The following BZW2 variants were observed in gnomAD, a reference collection of about 807,000 sequenced individuals.
The protein encoded by BZW2 is eIF5-mimic protein 1.
A neutral mutation model predicts 53.2 loss-of-function variants in BZW2; 23 were observed. That is an observed-to-expected ratio of 0.43 (90% CI 0.31 to 0.61). The LOEUF is 0.61. Among genes scored for constraint, BZW2 ranks in the 20% least tolerant of loss-of-function variants. The pLI is 0.09. For synonymous variants in BZW2, 227 were observed against 186.4 expected, an observed-to-expected ratio of 1.22 and a Z score of -1.77; for missense variants, 409 against 503.1, an observed-to-expected ratio of 0.81 and a Z score of 1.79.
At position 16,694,949 on chromosome 7, in the gene BZW2, A is replaced by G; in HGVS notation, c.767A>G (p.Lys256Arg). 1 of 1,596,986 alleles carries G rather than the reference A, an allele frequency of 6.3e-7. No homozygotes were observed. The highest frequency in any genetic ancestry group is 8.6e-7 in the Non-Finnish European group (1 of 1,166,690). The change falls in exon 8 of 12, where the codon AAG becomes AGG. Residue 256 changes from lysine (K) to arginine (R), a missense_variant. Coordinates refer to ENST00000258761, the MANE Select transcript of BZW2 (RefSeq NM_014038.3). Reference sequence around the variant, plus strand: ...GTCCAGCAGTCCCTGGGCACCAGGAAGGAACTGCAGAAGGAGCTCCAGGAG... The same window carrying G: ...GTCCAGCAGTCCCTGGGCACCAGGAGGGAACTGCAGAAGGAGCTCCAGGAG... ...LRVQQSLGTR[K>R]ELQKELQERL...
chr7:16,666,419 T>TTATTTATTTATTTATTTACG (rs745428931), intron 2 of BZW2, among the ~76,000 whole-genome samples: 185 of 151,012 alleles, frequency 1.2e-3, no homozygotes, highest in African/African-American at 4.3e-3. Context: ...ATTTATTTAT[T>TTATTTATTTATTTATTTACG]TAGAGACGGA....
intron 3 of BZW2, among the ~76,000 whole-genome samples, chr7:16,677,775 T>C (rs1782811318): frequency 6.6e-6 from 1 of 152,138 alleles, no homozygotes; most frequent in Admixed American, 6.5e-5. Flanking sequence ...TGAAAAGGCC[T>C]GGTCCAGTAA....
At chr7:16,691,418 G>C (rs1191157815) in intron 7 of BZW2, among the ~76,000 whole-genome samples, 1 of 152,192 alleles carries the variant, frequency 6.6e-6, no homozygotes, top group Non-Finnish European at 1.5e-5. Context: ...GAGGCTGTGG[G>C]TTGTCTATAG....
chr7:16,666,440 G>A (rs1404928289), intron 2 of BZW2, among the ~76,000 whole-genome samples: 6 of 147,696 alleles, frequency 4.1e-5, no homozygotes, highest in Non-Finnish European at 9.1e-5. Context: ...GTCTTGCTCC[G>A]TCGTCAGGCT....
chr7:16,646,247 GC>G lies in BZW2; in HGVS notation c.-48del, dbSNP rs1781858089. The G allele has an allele frequency of 9.6e-6, 3 of 313,730 alleles. No individual in the cohort carries two copies. In the Admixed American group the frequency reaches 1.0e-4, roughly 11 times the overall value. The allele number at this position is 313,730 out of a possible 1,614,324, so 19.4% of individuals were successfully genotyped here. A position where few individuals can be genotyped will look rare whatever the true frequency, so the allele number is the denominator to read the frequency against. ...TGCCGCTGCTGCTGCACGAATCGCC[GC>G]AGCCCCCAGCCTTGCGCGTCGTCGC... On this transcript the variant is annotated 5_prime_UTR_variant, in exon 1 of 12. Coordinates refer to ENST00000258761, the MANE Select transcript of BZW2 (RefSeq NM_014038.3).
intron 1 of BZW2, among the ~76,000 whole-genome samples, chr7:16,653,285 C>CT (rs1453704833): frequency 2.6e-5 from 4 of 152,160 alleles, no homozygotes; most frequent in African/African-American, 9.6e-5. Flanking sequence ...CTTTTTATTT[C>CT]TTTTTTTTCT....
intron 3 of BZW2, among the ~76,000 whole-genome samples, chr7:16,679,843 A>T (rs544484664): frequency 6.6e-6 from 1 of 152,332 alleles, no homozygotes; most frequent in Admixed American, 6.5e-5. Context: ...CTTCTACCTT[A>T]ATTACAACGA....
intron 3 of BZW2, among the ~76,000 whole-genome samples, chr7:16,678,164 G>C (rs1782825279): frequency 7.0e-6 from 1 of 143,592 alleles, no homozygotes; most frequent in Non-Finnish European, 1.5e-5. Context: ...CCGCCTCCTG[G>C]AATCAGGCAA....
At chr7:16,702,866 C>G (rs923539038) in intron 10 of BZW2, among the ~76,000 whole-genome samples, 1 of 152,016 alleles carries the variant, frequency 6.6e-6, no homozygotes, top group Non-Finnish European at 1.5e-5. Flanking sequence ...TTTATAAACT[C>G]AAAAATATAC....
intron 9 of BZW2, among the ~76,000 whole-genome samples, chr7:16,697,343 G>C (rs924776769): frequency 6.6e-6 from 1 of 152,078 alleles, no homozygotes; most frequent in Non-Finnish European, 1.5e-5. Flanking sequence ...CTCCTGCCTT[G>C]GCCTCCCAAA....
intron 1 of BZW2, among the ~76,000 whole-genome samples, chr7:16,647,786 ACC>A (rs1781904196): frequency 6.6e-6 from 1 of 152,174 alleles, no homozygotes; most frequent in Non-Finnish European, 1.5e-5. Context: ...TTGAGTGGTA[ACC>A]TCCTGGAACA....
chr7:16,678,311 C>A (rs1052019851), intron 3 of BZW2, among the ~76,000 whole-genome samples: 4 of 151,944 alleles, frequency 2.6e-5, no homozygotes, highest in African/African-American at 9.7e-5. Context: ...TCCCAAAGTG[C>A]TGGGATTACA....
chr7:16,647,634 T>C (rs561993196), intron 1 of BZW2, among the ~76,000 whole-genome samples: 13 of 152,344 alleles, frequency 8.5e-5, no homozygotes, highest in Non-Finnish European at 1.2e-4. Context: ...TGTTGGATGA[T>C]GCTTTAATAA....
At chr7:16,685,286 C>T (rs571533978) in intron 5 of BZW2, among the ~76,000 whole-genome samples, 3 of 151,908 alleles carry the variant, frequency 2.0e-5, no homozygotes, top group Admixed American at 2.0e-4. Flanking sequence ...AAAAGTTTAC[C>T]AAAAAAACAT....
chr7:16,684,033 G>A (rs818498), intron 5 of BZW2, among the ~76,000 whole-genome samples: 53,155 of 152,104 alleles, frequency 0.35, 12,361 homozygotes, highest in African/African-American at 0.67. Context: ...CTATATGTAT[G>A]AAGATGTCAC....
intron 6 of BZW2, 21 bp downstream of exon 6, chr7:16,686,061 T>C: frequency 6.2e-7 from 1 of 1,610,906 alleles, no homozygotes; most frequent in South Asian, 1.1e-5. Context: ...TCCTGTTTTC[T>C]CGCCTGTCAG....
intron 1 of BZW2, among the ~76,000 whole-genome samples, chr7:16,654,199 C>T (rs1239518074): frequency 6.6e-6 from 1 of 151,382 alleles, no homozygotes; most frequent in African/African-American, 2.4e-5. Context: ...CACTACACTC[C>T]AGCCTGGGTG....
chr7:16,647,431 C>T (rs751451487), intron 1 of BZW2, among the ~76,000 whole-genome samples: 1 of 152,182 alleles, frequency 6.6e-6, no homozygotes, highest in Non-Finnish European at 1.5e-5. Flanking sequence ...TTGCGTGAAG[C>T]TTTCACTAAC....
chr7:16,653,701 T>C (rs1348611544), intron 1 of BZW2, among the ~76,000 whole-genome samples: 1 of 152,206 alleles, frequency 6.6e-6, no homozygotes, highest in East Asian at 1.9e-4. Flanking sequence ...ATAATAAATA[T>C]TACTTTTGTC....
Sources: allele counts gnomAD v4.1 joint callset (sites outside exome capture counted in the v4.1 genomes callset), GRCh38; gene constraint gnomAD v4.1.1; transcripts MANE v1.5; gene names NCBI Gene and HGNC (gene_info 2026-07-23, HGNC 2026-07-21).